The following TMEM51 variants were observed in gnomAD, a reference collection of about 807,000 sequenced individuals.
The protein encoded by TMEM51 is transmembrane protein 51.
Under a neutral mutation model 13.6 loss-of-function variants are expected in TMEM51, and 8 were observed. The ratio of observed to expected loss-of-function variants is 0.59; its 90% CI spans 0.35 to 1.07. The LOEUF is 1.07. Among genes scored for constraint, TMEM51 ranks in the 50% least tolerant of loss-of-function variants. The pLI, the probability that TMEM51 is intolerant of heterozygous loss-of-function variation, is 0.02. For synonymous variants in TMEM51, 147 were observed against 144.4 expected, an observed-to-expected ratio of 1.02 and a Z score of -0.13; for missense variants, 279 against 330.7, an observed-to-expected ratio of 0.84 and a Z score of 1.21.
chr1:15,163,305 G>A (rs1642857275), intron 1 of TMEM51, among the ~76,000 whole-genome samples: 1 of 152,008 alleles, frequency 6.6e-6, no homozygotes, highest in South Asian at 2.1e-4. Flanking sequence ...TCCCTATGCT[G>A]GCAGGATCAA....
At chr1:15,190,827 G>A (rs193136284) in intron 1 of TMEM51, among the ~76,000 whole-genome samples, 449 of 152,018 alleles carry the variant, frequency 3.0e-3, no homozygotes, top group Admixed American at 5.0e-3. Context: ...TCACTCTGTC[G>A]CCCAAGCTGG....
intron 2 of TMEM51, among the ~76,000 whole-genome samples, chr1:15,211,763 T>C (rs1644341441): frequency 1.4e-5 from 2 of 146,916 alleles, no homozygotes; most frequent in African/African-American, 2.5e-5. Flanking sequence ...AAGTAAAGGG[T>C]ACACTTTCCG....
In TMEM51 at chr1:15,211,827, C is replaced by A. The variant is rs979558893; in HGVS notation, c.-194+1265C>A. ...GGTACAAGTCTGAAAGGTGACCCCC[C>A]CCCCCCCCCCGGGATTTTTACATAC... On this transcript the variant is annotated intron_variant, in intron 2 of 3. Transcript: ENST00000376008. Among the ~76,000 whole-genome samples, 69 of 58,274 alleles carry A rather than the reference C, an allele frequency of 1.2e-3. 1 individual carries two copies. The highest frequency in any genetic ancestry group is 3.1e-3 in the African/African-American group (63 of 20,364). 38.2% of individuals were successfully genotyped at this position (58,274 alleles called of 152,430 possible). A position where few individuals can be genotyped will look rare whatever the true frequency, so the allele number is the denominator to read the frequency against.
In TMEM51 at chr1:15,219,773, GTC is replaced by G. The variant is rs577836406; in HGVS notation, c.*35_*36del. On this transcript the variant is annotated 3_prime_UTR_variant, in exon 4 of 4. Coordinates refer to ENST00000376008, the MANE Select transcript of TMEM51 (RefSeq NM_001136218.2). ...CCCCACTTGAGCCACGCTCCCTCCTGTCTCTCACACCTTTCACCCCCAAGACT... is the reference window on the plus strand; with the variant it reads ...CCCCACTTGAGCCACGCTCCCTCCTGTCTCACACCTTTCACCCCCAAGACT... 2.1e-4 allele frequency: 344 copies of G among 1,602,878 alleles called. 3 individuals are homozygous for G. The South Asian group carries it at 3.1e-3, about 15-fold the overall frequency.
At chr1:15,219,088 T>C (rs557404640) in intron 3 of TMEM51, among the ~76,000 whole-genome samples, 105 of 152,194 alleles carry the variant, frequency 6.9e-4, no homozygotes, top group African/African-American at 2.5e-3. Context: ...CTGTCCTGCA[T>C]GACTAGTACT....
chr1:15,202,120 C>G (rs1181270745), intron 1 of TMEM51, among the ~76,000 whole-genome samples: 1 of 152,200 alleles, frequency 6.6e-6, no homozygotes, highest in Admixed American at 6.5e-5. Flanking sequence ...AATGTTAGAA[C>G]AAGTGTAAAC....
chr1:15,155,396 C>A (rs996128381), intron 1 of TMEM51, among the ~76,000 whole-genome samples: 7 of 152,152 alleles, frequency 4.6e-5, no homozygotes, highest in African/African-American at 7.2e-5. Flanking sequence ...CCTCTCTGAG[C>A]CTCAGCTTCT....
chr1:15,162,298 G>T (rs1012307690), intron 1 of TMEM51, among the ~76,000 whole-genome samples: 3 of 152,040 alleles, frequency 2.0e-5, no homozygotes, highest in African/African-American at 7.3e-5. Flanking sequence ...AAGTAGCTGG[G>T]ATTACAGGCA....
chr1:15,172,756 A>G (rs1643328092), intron 1 of TMEM51, among the ~76,000 whole-genome samples: 1 of 152,228 alleles, frequency 6.6e-6, no homozygotes, highest in Non-Finnish European at 1.5e-5. Flanking sequence ...ATGATTCATA[A>G]GTTTTAAATT....
intron 1 of TMEM51, among the ~76,000 whole-genome samples, chr1:15,195,477 A>G (rs867473113): frequency 2.0e-4 from 31 of 152,086 alleles, no homozygotes; most frequent in African/African-American, 7.5e-4. Context: ...TGAGTCCCAT[A>G]GAGTTTATTG....
At chr1:15,210,127 G>A (rs12058415) in intron 1 of TMEM51, among the ~76,000 whole-genome samples, 46,914 of 152,002 alleles carry the variant, frequency 0.31, 7,642 homozygotes, top group Non-Finnish European at 0.37. Context: ...GGTCAGACTG[G>A]CCTGTCATTT....
In TMEM51 at chr1:15,215,246, G is replaced by T. The variant is rs779953363; in HGVS notation, c.159G>T (p.Val53=). 12 of 1,614,128 alleles carry T rather than the reference G, an allele frequency of 7.4e-6. No individual in the cohort carries two copies. Among genetic ancestry groups the T allele is most frequent in the Non-Finnish European group, 1.0e-5 (12 of 1,180,048 alleles). Residue 53 remains valine (V), a synonymous_variant, in exon 3 of 4, where the codon GTG becomes GTT. Transcript: ENST00000376008. ...PTAQGSNKTE[V]GGGILKSKTF... is the part of the protein sequence containing the mutation. The stretch of plus-strand genomic sequence containing the variant: ...CTCAGGGCAGCAACAAGACCGAGGT[G>T]GGTGGCGGCATCCTCAAGAGCAAGA...
intron 1 of TMEM51, chr1:15,192,536 C>A (rs1244087721): frequency 5.4e-6 from 1 of 183,862 alleles, no homozygotes; most frequent in Admixed American, 6.4e-5. Flanking sequence ...CTCACTGCAA[C>A]CTCCGCCTCC....
rs143204361 is a variant in TMEM51, at chr1:15,204,895, T to C, written c.-266-5595T>C. On this transcript the variant is annotated intron_variant, in intron 1 of 3. Coordinates refer to ENST00000376008, the MANE Select transcript of TMEM51 (RefSeq NM_001136218.2). ...CTGTGCTTAGCCTTGTTTGCCAGGG[T>C]CGGGGGGCTGCTGCTGTTGTCCCCA... 4.1e-3 allele frequency among the ~76,000 whole-genome samples: 621 copies of C among 151,978 alleles called. 2 individuals are homozygous for C. The highest frequency in any genetic ancestry group is 6.0e-3 in the Non-Finnish European group (411 of 67,966).
At chr1:15,168,763 C>T (rs1170206444) in intron 1 of TMEM51, 2 of 1,303,660 alleles carry the variant, frequency 1.5e-6, no homozygotes, top group Admixed American at 2.3e-5. Flanking sequence ...TTGCTTCCCA[C>T]AAGAGGGCTT....
At chr1:15,200,216 G>A (rs1644127686) in intron 1 of TMEM51, among the ~76,000 whole-genome samples, 1 of 151,798 alleles carries the variant, frequency 6.6e-6, no homozygotes, top group Admixed American at 6.6e-5. Flanking sequence ...AGGATTTCAA[G>A]ACCAGCCTGG....
chr1:15,206,999 T>G (rs1046464146), intron 1 of TMEM51, among the ~76,000 whole-genome samples: 2 of 152,230 alleles, frequency 1.3e-5, no homozygotes, highest in Non-Finnish European at 2.9e-5. Context: ...AGCACCTTTT[T>G]TCCTACCCCC....
intron 1 of TMEM51, among the ~76,000 whole-genome samples, chr1:15,188,363 C>G (rs564748939): frequency 3.5e-4 from 53 of 152,204 alleles, no homozygotes; most frequent in Non-Finnish European, 3.8e-4. Context: ...CCCTGGGACA[C>G]AGAAGAACTG....
chr1:15,213,917 C>T (rs774107177), intron 2 of TMEM51, among the ~76,000 whole-genome samples: 1 of 151,924 alleles, frequency 6.6e-6, no homozygotes, highest in Non-Finnish European at 1.5e-5. Flanking sequence ...TCTCGGCTCA[C>T]TGCAACCTCC....
Sources: allele counts gnomAD v4.1 joint callset (sites outside exome capture counted in the v4.1 genomes callset), GRCh38; gene constraint gnomAD v4.1.1; transcripts MANE v1.5; gene names NCBI Gene and HGNC (gene_info 2026-07-23, HGNC 2026-07-21).